Variants in CCDC178 observed in about 807,000 individuals in gnomAD.
CCDC178 encodes coiled-coil domain-containing protein 178.
Under a neutral mutation model 117.4 loss-of-function variants are expected in CCDC178, and 126 were observed. The observed-to-expected ratio is 1.07, with a 90% CI of 0.93 to 1.24. The LOEUF (loss-of-function observed/expected upper bound fraction) is 1.24, where lower values mean the gene tolerates loss of function less well. CCDC178 is among the 50% of genes most tolerant of loss of function. CCDC178 has a pLI of 0.00. For missense variants in CCDC178, 1,030 were observed against 986.9 expected, an observed-to-expected ratio of 1.04 and a Z score of -0.59; for synonymous variants, 283 against 313.4, an observed-to-expected ratio of 0.90 and a Z score of 1.02.
intron 12 of CCDC178, among the ~76,000 whole-genome samples, chr18:33,270,629 T>C (rs1029963806): frequency 1.3e-5 from 2 of 151,486 alleles, no homozygotes; most frequent in African/African-American, 4.8e-5. Flanking sequence ...GAATCCTATA[T>C]CAAGCAAAAC....
chr18:33,032,461 G>A (rs1454288578), intron 21 of CCDC178, among the ~76,000 whole-genome samples: 3 of 152,064 alleles, frequency 2.0e-5, no homozygotes, highest in Non-Finnish European at 4.4e-5. Context: ...CTCAAGAGGA[G>A]GCGAATCTTA....
chr18:33,411,881 G>T, intron 3 of CCDC178, 150 bp downstream of exon 3: 1 of 460,560 alleles, frequency 2.2e-6, no homozygotes, highest in Non-Finnish European at 4.0e-6. Flanking sequence ...TTTTCTCTTA[G>T]CTCACTTTAC....
At chr18:32,995,385 T>C (rs893726107) in intron 21 of CCDC178, among the ~76,000 whole-genome samples, 1 of 152,166 alleles carries the variant, frequency 6.6e-6, no homozygotes, top group African/African-American at 2.4e-5. Flanking sequence ...TAAATCAATA[T>C]AGTTTTCTTT....
At chr18:33,014,272 T>A (rs1318337764) in intron 21 of CCDC178, among the ~76,000 whole-genome samples, 2 of 152,220 alleles carry the variant, frequency 1.3e-5, no homozygotes, top group Non-Finnish European at 1.5e-5. Context: ...GCAGGGCTTA[T>A]CTTTATTTGA....
At chr18:32,987,885 G>A (rs2055296127) in intron 21 of CCDC178, among the ~76,000 whole-genome samples, 2 of 149,234 alleles carry the variant, frequency 1.3e-5, no homozygotes. Flanking sequence ...ATCGCCTGAG[G>A]CCAAGAGTTT....
intron 20 of CCDC178, among the ~76,000 whole-genome samples, chr18:33,189,257 G>C (rs980803888): frequency 1.3e-5 from 2 of 152,146 alleles, no homozygotes; most frequent in South Asian, 4.1e-4. Flanking sequence ...ACAATAACAA[G>C]ATGAGGGGTT....
chr18:33,163,636 A>G (rs1475122042), intron 20 of CCDC178, among the ~76,000 whole-genome samples: 2 of 152,190 alleles, frequency 1.3e-5, no homozygotes, highest in Non-Finnish European at 2.9e-5. Context: ...AAGAACTTTG[A>G]CTTTACTAAA....
chr18:32,947,630 TA>T (rs1455802610), intron 22 of CCDC178, among the ~76,000 whole-genome samples: 2 of 152,182 alleles, frequency 1.3e-5, no homozygotes, highest in Non-Finnish European at 2.9e-5. Context: ...TTATCAGATA[TA>T]TCCCCTACAA....
chr18:33,080,364 G>A (rs1471918757), intron 21 of CCDC178, among the ~76,000 whole-genome samples: 3 of 152,104 alleles, frequency 2.0e-5, no homozygotes, highest in African/African-American at 7.2e-5. Context: ...CAAACCCCAT[G>A]ACACGAGTTT....
At chr18:33,015,326 A>G (rs2055961732) in intron 21 of CCDC178, among the ~76,000 whole-genome samples, 1 of 151,890 alleles carries the variant, frequency 6.6e-6, no homozygotes, top group Non-Finnish European at 1.5e-5. Flanking sequence ...GCACTTTGGG[A>G]GGCCAAGGCG....
intron 22 of CCDC178, among the ~76,000 whole-genome samples, chr18:32,969,598 T>C (rs2054883595): frequency 6.6e-6 from 1 of 152,006 alleles, no homozygotes; most frequent in African/African-American, 2.4e-5. Context: ...GGTTTAAACA[T>C]TCCAACTTTT....
chr18:32,994,640 A>C (rs999424916), intron 21 of CCDC178, among the ~76,000 whole-genome samples: 1 of 152,228 alleles, frequency 6.6e-6, no homozygotes, highest in Non-Finnish European at 1.5e-5. Flanking sequence ...ACTAAAATTA[A>C]CCTACAATAA....
At chr18:33,273,815 T>C (rs1161583872) in intron 12 of CCDC178, among the ~76,000 whole-genome samples, 1 of 151,666 alleles carries the variant, frequency 6.6e-6, no homozygotes, top group Non-Finnish European at 1.5e-5. Context: ...TAAGCAATGG[T>C]TCCTCAGATA....
At chr18:33,145,488 G>A (rs114096527) in intron 20 of CCDC178, among the ~76,000 whole-genome samples, 6 of 152,226 alleles carry the variant, frequency 3.9e-5, no homozygotes, top group African/African-American at 1.4e-4. Flanking sequence ...CACTTGAAAT[G>A]TTATCTAGTT....
At chr18:33,137,927 T>C (rs575121852) in intron 20 of CCDC178, among the ~76,000 whole-genome samples, 3 of 152,326 alleles carry the variant, frequency 2.0e-5, no homozygotes, top group South Asian at 2.1e-4. Context: ...AATTCAATAG[T>C]GTAATGGAAA....
chr18:33,168,356 C>T (rs957967833), intron 20 of CCDC178, among the ~76,000 whole-genome samples: 1 of 152,064 alleles, frequency 6.6e-6, no homozygotes, highest in African/African-American at 2.4e-5. Flanking sequence ...CTTCCTATTG[C>T]TTGTTTTTGT....
intron 21 of CCDC178, among the ~76,000 whole-genome samples, chr18:33,068,387 T>A (rs2057054684): frequency 6.6e-6 from 1 of 152,048 alleles, no homozygotes; most frequent in African/African-American, 2.4e-5. Context: ...TACAAGCCAA[T>A]ATCCCTGGTG....
chr18:33,335,850 T>C (rs2062732392), intron 9 of CCDC178, among the ~76,000 whole-genome samples: 1 of 152,098 alleles, frequency 6.6e-6, no homozygotes, highest in Admixed American at 6.5e-5. Flanking sequence ...CTTCTACTGA[T>C]TCATACCCAT....
intron 22 of CCDC178, among the ~76,000 whole-genome samples, chr18:32,971,487 T>C (rs1161810578): frequency 1.3e-5 from 2 of 152,188 alleles, no homozygotes; most frequent in African/African-American, 2.4e-5. Flanking sequence ...GAAACATACA[T>C]GTGCATATGT....
Sources: allele counts gnomAD v4.1 joint callset (sites outside exome capture counted in the v4.1 genomes callset), GRCh38; gene constraint gnomAD v4.1.1; transcripts MANE v1.5; gene names NCBI Gene and HGNC (gene_info 2026-07-23, HGNC 2026-07-21).